Variants in UPRT observed in about 807,000 individuals in gnomAD.
UPRT encodes uracil phosphoribosyltransferase homolog, also known as RP11-311P8.3.
UPRT carries 5 observed loss-of-function variants against 22.6 expected under a neutral mutation model. The ratio of observed to expected loss-of-function variants is 0.22; its 90% CI spans 0.12 to 0.47. The LOEUF is 0.47. Among genes scored for constraint, UPRT ranks in the 20% least tolerant of loss-of-function variants. UPRT has a pLI of 0.99. For missense variants in UPRT, 181 were observed against 239.9 expected (o/e 0.75, Z 1.62); for synonymous variants, 77 against 87.7 (o/e 0.88, Z 0.68).
Position 75,178,883 on chromosome X carries a change from G to A in UPRT, c.-447+11004G>A, listed in dbSNP as rs191274984. On this transcript the variant is annotated intron_variant, in intron 4 of 13. Coordinates refer to the UPRT transcript ENST00000652605. ...GAGTGGGTTGCCACTGCTGGCTAGC[G>A]CAGCCTGCTTTTATTCTCTTATCTG... 2.3e-3 allele frequency among the ~76,000 whole-genome samples: 256 copies of A among 111,766 alleles called. 1 individual carries two copies. Among genetic ancestry groups the A allele is most frequent in the Non-Finnish European group, 3.5e-3 (188 of 53,107 alleles).
At chrX:75,248,489 T>C (rs1445235619) in intron 4 of UPRT, among the ~76,000 whole-genome samples, 1 of 110,932 alleles carries the variant, frequency 9.0e-6, no homozygotes, top group Non-Finnish European at 1.9e-5. Flanking sequence ...TGAAATGAAG[T>C]GTGAAGAGAA....
chrX:75,263,160 G>T (rs1021354589), intron 4 of UPRT, among the ~76,000 whole-genome samples: 9 of 111,879 alleles, frequency 8.0e-5, no homozygotes, highest in Non-Finnish European at 1.3e-4. Context: ...GTTAGTCAGG[G>T]ATATTGGTCT....
chrX:75,299,672 G>T, intron 4 of UPRT, 63 bp from the exon 5 acceptor site: 4 of 1,066,684 alleles, frequency 3.7e-6, no homozygotes, highest in South Asian at 2.5e-5. Context: ...CTATACTTTG[G>T]CCTGTTCTTG....
At chrX:75,272,347 C>CATATATATGTGT (rs1569279529), upstream of UPRT, among the ~76,000 whole-genome samples, 4 of 81,371 alleles carry the variant, frequency 4.9e-5, no homozygotes, top group African/African-American at 2.3e-4. Flanking sequence ...TATATATACA[C>CATATATATGTGT]ATATATATAT....
At chrX:75,236,820 A>G (rs2082467022) in intron 4 of UPRT, among the ~76,000 whole-genome samples, 1 of 112,435 alleles carries the variant, frequency 8.9e-6, no homozygotes, top group Middle Eastern at 4.6e-3. Flanking sequence ...AAAGACTTAA[A>G]CGTTTGACCT....
At chrX:75,249,763 C>T (rs1273989057) in intron 4 of UPRT, among the ~76,000 whole-genome samples, 7 of 111,641 alleles carry the variant, frequency 6.3e-5, no homozygotes, top group African/African-American at 1.6e-4. Flanking sequence ...ATACATTCTT[C>T]TCAGCACCAC....
At chrX:75,273,121 A>G (rs2082617094), upstream of UPRT, among the ~76,000 whole-genome samples, 1 of 111,485 alleles carries the variant, frequency 9.0e-6, no homozygotes, top group South Asian at 3.8e-4. Flanking sequence ...TGGGAGCTAA[A>G]TGATGAGAAC....
At position 75,288,959 on chromosome X, in the gene UPRT, C is replaced by T. The variant is rs141315221; in HGVS notation, c.387-4513C>T. ...AAACCCTGTAGATTCCACCAAAAGG[C>T]TCCTGGAACTGATAAATGACTTCAG... On this transcript the variant is annotated intron_variant, in intron 1 of 6. Transcript: ENST00000373383. Among the ~76,000 whole-genome samples, 336 of 111,686 alleles carry T rather than the reference C, an allele frequency of 3.0e-3. 1 individual carries two copies. The highest frequency in any genetic ancestry group is 9.9e-3 in the African/African-American group (306 of 30,759).
chrX:75,192,254 G>A (rs1326356375), intron 4 of UPRT, among the ~76,000 whole-genome samples: 3 of 111,127 alleles, frequency 2.7e-5, no homozygotes, highest in Non-Finnish European at 5.7e-5. Context: ...TAATTTCTAT[G>A]TAATTGTCTG....
At chrX:75,179,806 C>T (rs1161844789) in intron 4 of UPRT, among the ~76,000 whole-genome samples, 1 of 112,709 alleles carries the variant, frequency 8.9e-6, no homozygotes, top group Non-Finnish European at 1.9e-5. Flanking sequence ...TGGCTGGCTG[C>T]TCCGAGCGCG....
chrX:75,224,720 G>T (rs2082418937), intron 4 of UPRT, among the ~76,000 whole-genome samples: 1 of 111,336 alleles, frequency 9.0e-6, no homozygotes, highest in Non-Finnish European at 1.9e-5. Context: ...ACCCAGGCAG[G>T]CTCCTCCTAC....
intron 4 of UPRT, among the ~76,000 whole-genome samples, chrX:75,189,866 G>A (rs1302271111): frequency 9.0e-6 from 1 of 111,619 alleles, no homozygotes; most frequent in African/African-American, 3.3e-5. Context: ...TTGAGCCTAT[G>A]TGTGTCTCTG....
At chrX:75,297,819 T>A (rs139322740) in intron 4 of UPRT, 1 of 335,704 alleles carries the variant, frequency 3.0e-6, no homozygotes, top group Non-Finnish European at 5.2e-6. Context: ...GATGGGAGGA[T>A]AGGAGGATGT....
At chrX:75,249,540 G>C (rs2082520621) in intron 4 of UPRT, among the ~76,000 whole-genome samples, 1 of 111,237 alleles carries the variant, frequency 9.0e-6, no homozygotes. Flanking sequence ...CCCAATACAG[G>C]AGCACCCAGA....
At chrX:75,186,136 C>T (rs1378750449) in intron 4 of UPRT, among the ~76,000 whole-genome samples, 3 of 110,906 alleles carry the variant, frequency 2.7e-5, no homozygotes, top group Non-Finnish European at 3.8e-5. Context: ...TTGGATCTTT[C>T]CTGCTTTCTC....
intron 1 of UPRT, among the ~76,000 whole-genome samples, chrX:75,281,014 A>AT (rs1011878955): frequency 6.4e-5 from 7 of 109,222 alleles, no homozygotes; most frequent in South Asian, 7.8e-4. Context: ...TAAGGATTTT[A>AT]TTTTTTTTGG....
intron 4 of UPRT, among the ~76,000 whole-genome samples, chrX:75,264,065 G>A (rs1202231565): frequency 8.9e-6 from 1 of 111,935 alleles, no homozygotes; most frequent in Non-Finnish European, 1.9e-5. Flanking sequence ...TAGTTTGATT[G>A]CACTGTGGTC....
intron 4 of UPRT, among the ~76,000 whole-genome samples, chrX:75,173,280 G>C (rs1481711477): frequency 9.1e-6 from 1 of 109,478 alleles, no homozygotes; most frequent in Non-Finnish European, 1.9e-5. Flanking sequence ...TACAATCCTT[G>C]AGCTAGACAT....
chrX:75,186,064 C>A (rs2082289551), intron 4 of UPRT, among the ~76,000 whole-genome samples: 1 of 111,190 alleles, frequency 9.0e-6, no homozygotes, highest in Non-Finnish European at 1.9e-5. Context: ...CTTCTGCTAG[C>A]TTTTGAATGT....
Sources: allele counts gnomAD v4.1 joint callset (sites outside exome capture counted in the v4.1 genomes callset), GRCh38; gene constraint gnomAD v4.1.1; transcripts MANE v1.5; gene names NCBI Gene and HGNC (gene_info 2026-07-23, HGNC 2026-07-21).